Variants in SMYD3 observed in about 807,000 individuals in gnomAD.
SMYD3 encodes SET and MYND domain containing 3.
A neutral mutation model predicts 57.7 loss-of-function variants in SMYD3; 36 were observed. The observed-to-expected ratio is 0.62, with a 90% confidence interval of 0.48 to 0.82. The LOEUF is 0.82. Among genes scored for constraint, SMYD3 ranks in the 40% least tolerant of loss-of-function variants. The pLI is 0.00. For missense variants in SMYD3, 515 were observed against 538.8 expected (o/e 0.96, Z 0.44); for synonymous variants, 211 against 195.0 (o/e 1.08, Z -0.68).
chr1:246,020,928 T>A (rs2059459984), intron 5 of SMYD3, among the ~76,000 whole-genome samples: 1 of 152,290 alleles, frequency 6.6e-6, no homozygotes, highest in South Asian at 2.1e-4. Flanking sequence ...TCCCTCTTCT[T>A]AAGGCCTACC....
At chr1:246,451,974 G>C (rs982883206) in intron 1 of SMYD3, among the ~76,000 whole-genome samples, 3 of 152,126 alleles carry the variant, frequency 2.0e-5, no homozygotes, top group African/African-American at 7.2e-5. Flanking sequence ...CTTACCCCAA[G>C]TAGCTGACAT....
intron 5 of SMYD3, among the ~76,000 whole-genome samples, chr1:246,222,422 C>T (rs1381429839): frequency 6.6e-6 from 1 of 151,952 alleles, no homozygotes. Context: ...CCGATCTGTG[C>T]CTCATTAGCT....
In SMYD3 at chr1:246,259,192, T is replaced by C. The variant is rs190106517; in HGVS notation, c.531+68009A>G. 1.7e-4 allele frequency among the ~76,000 whole-genome samples: 26 copies of C among 152,336 alleles called. No individual in the cohort carries two copies. In the East Asian group the frequency reaches 3.1e-3, roughly 18 times the overall value. ...CTTCCTTGCAATTCATGCTTTGAATTACTTATCTGTCATATCTGAGTTTCC... is the reference window on the plus strand; with the variant it reads ...CTTCCTTGCAATTCATGCTTTGAATCACTTATCTGTCATATCTGAGTTTCC... On this transcript the variant is annotated intron_variant, in intron 5 of 11. Transcript: ENST00000490107.
Position 246,379,958 on chromosome 1 carries a change from A to T in SMYD3, c.165-24864T>A, listed in dbSNP as rs548259807. ...GAGGTTGCACCTCCCAGGGAGGTCG[A>T]GATCACACCACTGCACTCCAGCCTG... On this transcript the variant is annotated intron_variant, in intron 1 of 11. Transcript: ENST00000490107. Among the ~76,000 whole-genome samples, 298 of 151,492 alleles carry T rather than the reference A, an allele frequency of 2.0e-3. 1 individual carries two copies. Among genetic ancestry groups the T allele is most frequent in the Non-Finnish European group, 3.6e-3 (246 of 67,828 alleles).
intron 5 of SMYD3, among the ~76,000 whole-genome samples, chr1:246,160,192 G>A (rs939044111): frequency 3.9e-5 from 6 of 152,028 alleles, no homozygotes; most frequent in South Asian, 2.1e-4. Flanking sequence ...AATCCATTCC[G>A]GTTATTACCT....
At chr1:246,063,587 C>T (rs2060290369) in intron 5 of SMYD3, among the ~76,000 whole-genome samples, 1 of 141,548 alleles carries the variant, frequency 7.1e-6, no homozygotes, top group South Asian at 2.7e-4. Context: ...CACTCCCATT[C>T]CCTCCCCTCC....
chr1:246,420,655 T>A lies in SMYD3; in HGVS notation c.165-65561A>T, dbSNP rs544985958. 3.2e-4 allele frequency among the ~76,000 whole-genome samples: 49 copies of A among 152,220 alleles called. 1 individual carries two copies. The highest frequency in any genetic ancestry group is 6.2e-4 in the Non-Finnish European group (42 of 68,036). Reference sequence around the variant, plus strand: ...TGAAAGATTCAACTGCCCAAAAATATCTGATCTTTGGCTTGTTCTAATATA... The same window carrying A: ...TGAAAGATTCAACTGCCCAAAAATAACTGATCTTTGGCTTGTTCTAATATA... On this transcript the variant is annotated intron_variant, in intron 1 of 11. Transcript: ENST00000490107.
At chr1:246,506,790 T>C (rs1267924713) in intron 1 of SMYD3, among the ~76,000 whole-genome samples, 1 of 151,996 alleles carries the variant, frequency 6.6e-6, no homozygotes, top group East Asian at 1.9e-4. Context: ...GGCTTTCCCA[T>C]TTCCACCGCA....
At chr1:246,184,677 A>T (rs2062603957) in intron 5 of SMYD3, among the ~76,000 whole-genome samples, 1 of 152,278 alleles carries the variant, frequency 6.6e-6, no homozygotes. Flanking sequence ...TAGTGTCCTC[A>T]CAGGTAGAGA....
chr1:245,783,472 A>G (rs942663266), intron 10 of SMYD3, among the ~76,000 whole-genome samples: 1 of 152,180 alleles, frequency 6.6e-6, no homozygotes, highest in African/African-American at 2.4e-5. Context: ...ATGCTTTCAC[A>G]CTAAAATGGG....
At position 246,158,355 on chromosome 1, in the gene SMYD3, T is replaced by C. The variant is rs889596311; in HGVS notation, c.531+168846A>G. On this transcript the variant is annotated intron_variant, in intron 5 of 11. Coordinates refer to ENST00000490107, the MANE Select transcript of SMYD3 (RefSeq NM_001167740.2). ...TCATCTTGACAGGTAAAATAGTAGG[T>C]TTTGACACAAAGTCATTGAGATATA... 3.3e-5 allele frequency among the ~76,000 whole-genome samples: 5 copies of C among 152,320 alleles called. 1 individual carries two copies. Among genetic ancestry groups the C allele is most frequent in the African/African-American group, 1.2e-4 (5 of 41,576 alleles).
chr1:246,182,435 C>T (rs1321953019), intron 5 of SMYD3, among the ~76,000 whole-genome samples: 1 of 152,156 alleles, frequency 6.6e-6, no homozygotes, highest in Non-Finnish European at 1.5e-5. Context: ...AACCAATCTC[C>T]CACACAGTAA....
intron 10 of SMYD3, among the ~76,000 whole-genome samples, chr1:245,856,460 G>C (rs963835895): frequency 3.3e-5 from 5 of 152,180 alleles, no homozygotes; most frequent in African/African-American, 4.8e-5. Flanking sequence ...ATTGTGACCT[G>C]CCAAACACCA....
chr1:246,201,333 T>C (rs1406001359), intron 5 of SMYD3, among the ~76,000 whole-genome samples: 1 of 152,214 alleles, frequency 6.6e-6, no homozygotes, highest in Non-Finnish European at 1.5e-5. Context: ...AGGAGCATTT[T>C]TTAAACCAGC....
At chr1:246,407,833 C>T (rs1188964815) in intron 1 of SMYD3, among the ~76,000 whole-genome samples, 1 of 148,182 alleles carries the variant, frequency 6.7e-6, no homozygotes, top group Non-Finnish European at 1.5e-5. Context: ...CAGCAAGACT[C>T]CGTCTCAAAA....
chr1:246,293,637 A>G (rs561440807), intron 5 of SMYD3, among the ~76,000 whole-genome samples: 1 of 152,216 alleles, frequency 6.6e-6, no homozygotes, highest in East Asian at 1.9e-4. Flanking sequence ...CGTCTATCCC[A>G]GGATTCAAGG....
chr1:246,197,489 A>G (rs1370938689), intron 5 of SMYD3, among the ~76,000 whole-genome samples: 1 of 152,196 alleles, frequency 6.6e-6, no homozygotes, highest in Non-Finnish European at 1.5e-5. Context: ...TCATGAAAAA[A>G]AATTCAGACA....
intron 8 of SMYD3, among the ~76,000 whole-genome samples, chr1:245,876,486 G>A (rs946381551): frequency 2.0e-5 from 3 of 152,188 alleles, no homozygotes; most frequent in East Asian, 1.9e-4. Context: ...CACTCTTCGT[G>A]CCGACATGGT....
intron 10 of SMYD3, chr1:245,814,421 G>T: frequency 1.0e-6 from 1 of 980,388 alleles, no homozygotes; most frequent in Non-Finnish European, 1.2e-6. Context: ...TTCAACTGGG[G>T]GCAAAAAAAA....
Sources: gnomAD v4.1 joint callset for allele counts (sites outside exome capture counted in the v4.1 genomes callset) on GRCh38, gnomAD v4.1.1 for gene constraint, MANE v1.5 for transcripts, NCBI Gene and HGNC (gene_info 2026-07-23, HGNC 2026-07-21) for gene names.